Variants in PDE9A observed in about 807,000 individuals in gnomAD.
PDE9A encodes phosphodiesterase 9A.
In PDE9A, 60 loss-of-function variants were observed where a neutral mutation model predicts 87.4. That is an observed-to-expected ratio of 0.69 (90% confidence interval 0.56 to 0.85). The LOEUF (loss-of-function observed/expected upper bound fraction) is 0.85, where lower values mean the gene tolerates loss of function less well. Among genes scored for constraint, PDE9A ranks in the 40% least tolerant of loss-of-function variants. The pLI, the probability that PDE9A is intolerant of heterozygous loss-of-function variation, is 0.00. For missense variants in PDE9A, 665 were observed against 779.0 expected (o/e 0.85, Z 1.74); for synonymous variants, 272 against 279.4 (o/e 0.97, Z 0.27).
chr21:42,757,895 T>TG (rs2055248304), intron 10 of PDE9A: 1 of 152,298 alleles, frequency 6.6e-6, no homozygotes, highest in Admixed American at 6.5e-5. Context: ...ATAGCCCCAC[T>TG]GGGGTCGGGG....
chr21:42,709,003 G>A (rs898422116), intron 4 of PDE9A, among the ~76,000 whole-genome samples: 9 of 152,176 alleles, frequency 5.9e-5, no homozygotes, highest in Non-Finnish European at 1.2e-4. Context: ...ATATCTACAT[G>A]TATGTTCATT....
At position 42,698,920 on chromosome 21, in the gene PDE9A, G is replaced by A. The variant is rs768928426; in HGVS notation, c.219-48G>A. On this transcript the variant is annotated intron_variant, in intron 3 of 19. Coordinates refer to ENST00000291539, the MANE Select transcript of PDE9A (RefSeq NM_002606.3). Reference sequence around the variant, plus strand: ...GCTTATCTCTCCTGCCAGGCATACAGCGAGCGCCTTGCAGAGTCTCACAGC... The same window carrying A: ...GCTTATCTCTCCTGCCAGGCATACAACGAGCGCCTTGCAGAGTCTCACAGC... The A allele has an allele frequency of 7.2e-6, 10 of 1,392,854 alleles. No homozygotes were observed. In the African/African-American group the frequency reaches 1.3e-4, roughly 18 times the overall value. The allele number at this position is 1,392,854 out of a possible 1,614,324, so 86.3% of individuals were successfully genotyped here.
chr21:42,675,169 A>C lies in PDE9A; in HGVS notation c.70-11023A>C, dbSNP rs986102727. Among the ~76,000 whole-genome samples the C allele has an allele frequency of 1.3e-5, 2 of 152,204 alleles. No homozygotes were observed. The highest frequency in any genetic ancestry group is 4.8e-5 in the African/African-American group (2 of 41,448). ...ATAATTTTGTGTCCTGATCATTTTCACTCAGCATTACATCAGCAGCGGTTT... is the reference window on the plus strand; with the variant it reads ...ATAATTTTGTGTCCTGATCATTTTCCCTCAGCATTACATCAGCAGCGGTTT... On this transcript the variant is annotated intron_variant, in intron 1 of 19. Coordinates refer to ENST00000291539, the MANE Select transcript of PDE9A (RefSeq NM_002606.3). This position sits in a 1 kb window ranked among gnomAD's most constrained non-coding sequence, Gnocchi z 4.3.
At chr21:42,769,304 C>G (rs571563255) in intron 17 of PDE9A, 149 bp downstream of exon 17, 13 of 688,132 alleles carry the variant, frequency 1.9e-5, no homozygotes, top group African/African-American at 5.4e-5. Context: ...GACGCACATA[C>G]AGGCACATAC....
At chr21:42,679,687 G>T (rs1406322427) in intron 1 of PDE9A, among the ~76,000 whole-genome samples, 1 of 152,122 alleles carries the variant, frequency 6.6e-6, no homozygotes, top group Non-Finnish European at 1.5e-5. Context: ...CCCAAGCGGA[G>T]ACAGGAGAAC....
At chr21:42,755,736 A>G (rs767996464) in intron 10 of PDE9A, among the ~76,000 whole-genome samples, 4 of 152,262 alleles carry the variant, frequency 2.6e-5, no homozygotes, top group South Asian at 2.1e-4. Flanking sequence ...CACCGCAGAC[A>G]GTTAGAGCAC....
At position 42,695,055 on chromosome 21, in the gene PDE9A, T is replaced by C. The variant is rs981818910; in HGVS notation, c.219-3913T>C. 3.3e-5 allele frequency among the ~76,000 whole-genome samples: 5 copies of C among 152,192 alleles called. No homozygotes were observed. Among genetic ancestry groups the C allele is most frequent in the African/African-American group, 1.2e-4 (5 of 41,452 alleles). ...ACTGGCAGCTGCCTAACCCTTCCTA[T>C]GCTCCTGGACGTTTGGTGCAATCTG... On this transcript the variant is annotated intron_variant, in intron 3 of 19. Transcript: ENST00000291539. This position sits in a 1 kb window ranked among gnomAD's most constrained non-coding sequence, Gnocchi z 4.3.
In PDE9A at chr21:42,751,128, C is replaced by T. The variant is rs775187649; in HGVS notation, c.666C>T (p.Pro222=). The T allele has an allele frequency of 4.9e-5, 79 of 1,608,790 alleles. 1 individual carries two copies. The South Asian group carries it at 8.6e-4, about 17-fold the overall frequency. Reference sequence around the variant, plus strand: ...TCCTTCTCTCTAGGACCAACTGCCCCTGTAAGTACAGTTTTTTGGATAACC... The same window carrying T: ...TCCTTCTCTCTAGGACCAACTGCCCTTGTAAGTACAGTTTTTTGGATAACC... ...LAARSSRTNC[P]CKYSFLDNHK... Residue 222 remains proline (P), a synonymous_variant, in exon 9 of 20, where the codon CCC becomes CCT. Coordinates refer to ENST00000291539, the MANE Select transcript of PDE9A (RefSeq NM_002606.3).
intron 1 of PDE9A, among the ~76,000 whole-genome samples, chr21:42,657,642 G>A (rs1178661892): frequency 6.6e-6 from 1 of 152,190 alleles, no homozygotes; most frequent in Non-Finnish European, 1.5e-5. Flanking sequence ...CCACCTGGTG[G>A]CACATCCAGG....
At position 42,760,913 on chromosome 21, in the gene PDE9A, T is replaced by C; in HGVS notation, c.1085+6T>C. The C allele has an allele frequency of 6.3e-7, 1 of 1,590,794 alleles. No individual in the cohort carries two copies. Among genetic ancestry groups the C allele is most frequent in the Non-Finnish European group, 8.6e-7 (1 of 1,158,776 alleles). On this transcript the variant is annotated splice_donor_region_variant and intron_variant, in intron 13 of 19. Coordinates refer to ENST00000291539, the MANE Select transcript of PDE9A (RefSeq NM_002606.3). This position sits in a 1 kb window ranked among gnomAD's most constrained non-coding sequence, Gnocchi z 5.2. The stretch of plus-strand genomic sequence containing the variant: ...CATCCCGGCTACAACAACACGTATG[T>C]ACAGGATTTTCTCTTTTTTTCCTTT...
chr21:42,727,489 A>ATTTTTTTTTTT (rs58515760), intron 4 of PDE9A, among the ~76,000 whole-genome samples: 10 of 88,326 alleles, frequency 1.1e-4, no homozygotes, highest in Non-Finnish European at 1.2e-4. Context: ...ACGCCTGGCT[A>ATTTTTTTTTTT]TTTTTTTTTT....
intron 1 of PDE9A, among the ~76,000 whole-genome samples, chr21:42,670,251 A>T (rs1162554071): frequency 2.0e-4 from 27 of 134,234 alleles, no homozygotes; most frequent in East Asian, 9.6e-4. Context: ...TCATACACAT[A>T]CATACATTCA....
chr21:42,674,725 C>A (rs1006404279), intron 1 of PDE9A, among the ~76,000 whole-genome samples: 3 of 152,150 alleles, frequency 2.0e-5, no homozygotes, highest in Admixed American at 1.3e-4. Flanking sequence ...TCTCCTACCC[C>A]CAGACACACA....
chr21:42,752,458 G>C (rs376229800), intron 9 of PDE9A, among the ~76,000 whole-genome samples: 3 of 151,514 alleles, frequency 2.0e-5, no homozygotes, highest in Non-Finnish European at 4.4e-5. Context: ...TAGTAGAGAC[G>C]GTGTTTCACC....
At position 42,775,358 on chromosome 21, in the gene PDE9A, G is replaced by A. The variant is rs1199907543; in HGVS notation, c.*65G>A. 2.7e-6 allele frequency: 4 copies of A among 1,506,014 alleles called. No homozygotes were observed. The highest frequency in any genetic ancestry group is 2.8e-5 in the African/African-American group (2 of 71,158). 93.3% of individuals were successfully genotyped at this position (1,506,014 alleles called of 1,614,324 possible). ...CCGAGCTGCGCGGGATCCTTGTGCA[G>A]GGAAGAGCTGCCCTGGGCACCTGGC... On this transcript the variant is annotated 3_prime_UTR_variant, in exon 20 of 20. Transcript: ENST00000291539.
rs910329297 is a variant in PDE9A at position 42,704,746 on chromosome 21, CAG to C, written c.262+5736_262+5737del. ...GCTGTTTCTAGACTAGCACAAGGCT[CAG>C]GGGGTGGGGGGTGGGGGCAGGGTGC... On this transcript the variant is annotated intron_variant, in intron 4 of 19. Transcript: ENST00000291539. The surrounding 1 kb of genome is among the most constrained non-coding windows in gnomAD (Gnocchi z 5.3). Among the ~76,000 whole-genome samples, 9 of 150,418 alleles carry C rather than the reference CAG, an allele frequency of 6.0e-5. No individual in the cohort carries two copies. Among genetic ancestry groups the C allele is most frequent in the African/African-American group, 1.7e-4 (7 of 40,752 alleles).
chr21:42,682,039 C>A (rs2059192758), intron 1 of PDE9A, among the ~76,000 whole-genome samples: 1 of 152,222 alleles, frequency 6.6e-6, no homozygotes, highest in African/African-American at 2.4e-5. Context: ...GCTGTCCAAG[C>A]CCCCATCCCT....
intron 4 of PDE9A, among the ~76,000 whole-genome samples, chr21:42,726,809 C>G (rs1013914008): frequency 4.7e-5 from 7 of 149,736 alleles, no homozygotes; most frequent in Admixed American, 2.0e-4. Flanking sequence ...GCTAAGCTTT[C>G]TTTTCTCTGT....
intron 1 of PDE9A, among the ~76,000 whole-genome samples, chr21:42,658,316 C>T (rs1368335750): frequency 2.0e-5 from 3 of 152,226 alleles, no homozygotes; most frequent in African/African-American, 7.2e-5. Flanking sequence ...AAGGGAATGT[C>T]GCTCCCTGCT....
Sources: gnomAD v4.1 joint callset for allele counts (sites outside exome capture counted in the v4.1 genomes callset) on GRCh38, gnomAD v4.1.1 for gene constraint, Gnocchi (gnomAD v3.1) non-coding constraint, MANE v1.5 for transcripts, NCBI Gene and HGNC (gene_info 2026-07-23, HGNC 2026-07-21) for gene names.